Variants in GLIS1 observed in about 807,000 individuals in gnomAD.
GLIS1 encodes the protein zinc finger protein GLIS1.
A neutral mutation model predicts 63.8 loss-of-function variants in GLIS1; 24 were observed. The ratio of observed to expected loss-of-function variants is 0.38; its 90% CI spans 0.27 to 0.53. The LOEUF (loss-of-function observed/expected upper bound fraction) is 0.53, where lower values mean the gene tolerates loss of function less well. Among genes scored for constraint, GLIS1 ranks in the 20% least tolerant of loss-of-function variants. GLIS1 has a pLI of 0.85. For synonymous variants in GLIS1, 450 were observed against 482.5 expected (o/e 0.93, Z 0.88); for missense variants, 1,036 against 1,074.1 (o/e 0.96, Z 0.50).
At chr1:53,728,312 A>G (rs1230485964) in intron 2 of GLIS1, among the ~76,000 whole-genome samples, 1 of 152,194 alleles carries the variant, frequency 6.6e-6, no homozygotes, top group African/African-American at 2.4e-5. Context: ...TACCATTTAC[A>G]TGGTAGTCCT....
At chr1:53,738,161 G>T in intron 1 of GLIS1, 55 bp from the exon 2 acceptor site, 1 of 1,080,932 alleles carries the variant, frequency 9.3e-7, no homozygotes, top group Non-Finnish European at 1.2e-6. Context: ...CCCCCGTATT[G>T]TCCCGGGGCC....
rs577897390 is a variant in GLIS1, at chr1:53,710,942, G to A, written c.259+26864C>T. 5.9e-5 allele frequency among the ~76,000 whole-genome samples: 9 copies of A among 151,694 alleles called. No homozygotes were observed. The East Asian group carries it at 1.4e-3, about 23-fold the overall frequency. On this transcript the variant is annotated intron_variant, in intron 2 of 10. Coordinates refer to ENST00000628545, the MANE Select transcript of GLIS1 (RefSeq NM_001367484.1). The stretch of plus-strand genomic sequence containing the variant: ...CGATGGTGGCCGAGCTGGAGGGGCT[G>A]ACCAGCCCCTCCCCCAACAGAACTG...
intron 2 of GLIS1, among the ~76,000 whole-genome samples, chr1:53,655,622 C>T (rs1645956946): frequency 6.6e-6 from 1 of 152,198 alleles, no homozygotes; most frequent in Non-Finnish European, 1.5e-5. Flanking sequence ...TCTAATATTT[C>T]TTCCCCCACC....
Position 53,533,860 on chromosome 1 carries a change from G to A in GLIS1, c.1321-3908C>T, listed in dbSNP as rs189157606. Among the ~76,000 whole-genome samples the A allele has an allele frequency of 5.6e-4, 85 of 152,288 alleles. 2 individuals carry two copies. Among genetic ancestry groups the A allele is most frequent in the African/African-American group, 2.0e-3 (84 of 41,508 alleles). ...ACCATCAGTTCAGCACCTATTGTGT[G>A]CTTGGTTCTGCTGGGCCTGGTGCTG... is the stretch of plus-strand genomic sequence containing the variant. On this transcript the variant is annotated intron_variant, in intron 4 of 10. Transcript: ENST00000628545.
At chr1:53,528,371 G>A (rs781176337) in intron 5 of GLIS1, among the ~76,000 whole-genome samples, 13 of 152,180 alleles carry the variant, frequency 8.5e-5, no homozygotes, top group Non-Finnish European at 1.6e-4. Flanking sequence ...ACTTGGAGTG[G>A]CCCAGCCCAG....
chr1:53,660,547 TGAAGAAGG>T (rs1285723480), intron 2 of GLIS1, among the ~76,000 whole-genome samples: 43 of 152,212 alleles, frequency 2.8e-4, no homozygotes, highest in Admixed American at 1.4e-3. Flanking sequence ...GACCCTAAGC[TGAAGAAGG>T]GTAGAGGAGG....
chr1:53,679,023 C>T (rs902201831), intron 2 of GLIS1, among the ~76,000 whole-genome samples: 5 of 152,356 alleles, frequency 3.3e-5, no homozygotes, highest in African/African-American at 1.2e-4. Context: ...CCCCCCACCT[C>T]TCATGTCCTC....
intron 5 of GLIS1, 36 bp from the exon 6 acceptor site, chr1:53,524,923 C>T: frequency 6.7e-7 from 1 of 1,501,126 alleles, no homozygotes; most frequent in Non-Finnish European, 9.3e-7. Context: ...GTGAGTGAGG[C>T]CCATCCCTAC....
chr1:53,570,424 G>A (rs915732067), intron 4 of GLIS1, among the ~76,000 whole-genome samples: 7 of 152,078 alleles, frequency 4.6e-5, no homozygotes, highest in Non-Finnish European at 8.8e-5. Context: ...ACCTGGCTTC[G>A]TGGAAATTTT....
intron 2 of GLIS1, among the ~76,000 whole-genome samples, chr1:53,689,166 CACT>C (rs1288435468): frequency 2.0e-5 from 3 of 152,216 alleles, no homozygotes; most frequent in African/African-American, 7.2e-5. Flanking sequence ...TGCACCTCAA[CACT>C]CATTCAACAG....
intron 2 of GLIS1, among the ~76,000 whole-genome samples, chr1:53,667,266 CCTT>C (rs1345727957): frequency 1.3e-5 from 2 of 152,248 alleles, no homozygotes; most frequent in African/African-American, 2.4e-5. Flanking sequence ...CCAAAGCTCT[CCTT>C]CTCTCAATAT....
chr1:53,509,915 G>A lies in GLIS1; in HGVS notation c.1996C>T (p.Leu666Phe). The A allele has an allele frequency of 7.6e-7, 1 of 1,307,276 alleles. No individual in the cohort carries two copies. The highest frequency in any genetic ancestry group is 9.8e-7 in the Non-Finnish European group (1 of 1,019,428). 81.0% of individuals were successfully genotyped at this position (1,307,276 alleles called of 1,614,324 possible). A position where few individuals can be genotyped will look rare whatever the true frequency, so the allele number is the denominator to read the frequency against. The change falls in exon 9 of 11, where the codon CTC becomes TTC. Residue 666 changes from leucine (L) to phenylalanine (F), a missense_variant. By Grantham distance (22) the Leu-to-Phe change is conservative (BLOSUM62 0). Coordinates refer to ENST00000628545, the MANE Select transcript of GLIS1 (RefSeq NM_001367484.1). ...HSPGGQPFPT[L>F]PSKPSYPPFQ... Reference sequence around the variant, plus strand: ...GGTGGGTAGGACGGCTTGCTGGGGAGTGTGGGGAAGGGCTGGCCCCCCGGA... The same window carrying A: ...GGTGGGTAGGACGGCTTGCTGGGGAATGTGGGGAAGGGCTGGCCCCCCGGA...
chr1:53,602,934 T>TA (rs572345020), intron 2 of GLIS1, among the ~76,000 whole-genome samples: 156 of 152,316 alleles, frequency 1.0e-3, no homozygotes, highest in Non-Finnish European at 2.0e-3. Context: ...ATCTTTGCAA[T>TA]AATTCTGCCA....
intron 2 of GLIS1, among the ~76,000 whole-genome samples, chr1:53,685,304 G>A (rs1012503399): frequency 3.9e-5 from 6 of 152,172 alleles, no homozygotes; most frequent in Non-Finnish European, 5.9e-5. Flanking sequence ...TGGAGCCCGC[G>A]GACATACCAT....
At chr1:53,690,627 C>T (rs1227441862) in intron 2 of GLIS1, among the ~76,000 whole-genome samples, 6 of 152,240 alleles carry the variant, frequency 3.9e-5, no homozygotes, top group Non-Finnish European at 2.9e-5. Flanking sequence ...CTCTTTCCCT[C>T]AGTCATCCAG....
chr1:53,534,229 C>T (rs766982373), intron 4 of GLIS1, among the ~76,000 whole-genome samples: 10 of 151,998 alleles, frequency 6.6e-5, no homozygotes, highest in Non-Finnish European at 1.2e-4. Flanking sequence ...CCATCTAGCA[C>T]GTCCCTGGCT....
chr1:53,545,629 G>A (rs1644690178), intron 4 of GLIS1, among the ~76,000 whole-genome samples: 3 of 152,196 alleles, frequency 2.0e-5, no homozygotes, highest in African/African-American at 2.4e-5. Flanking sequence ...TCTGAGTGGT[G>A]TAGTTAGGGA....
At chr1:53,518,747 T>C (rs1644377012) in intron 7 of GLIS1, among the ~76,000 whole-genome samples, 1 of 152,232 alleles carries the variant, frequency 6.6e-6, no homozygotes, top group South Asian at 2.1e-4. Context: ...CACATCCTAC[T>C]GCACAGCGTA....
chr1:53,597,570 G>A (rs1645271880), intron 3 of GLIS1, among the ~76,000 whole-genome samples: 1 of 152,140 alleles, frequency 6.6e-6, no homozygotes, highest in Admixed American at 6.5e-5. Context: ...GGCAGCTGGC[G>A]CAGGAGCCCA....
Sources: allele counts gnomAD v4.1 joint callset (sites outside exome capture counted in the v4.1 genomes callset), GRCh38; gene constraint gnomAD v4.1.1; transcripts MANE v1.5; gene names NCBI Gene and HGNC (gene_info 2026-07-23, HGNC 2026-07-21).